The following BCAT1 variants were observed in gnomAD, a reference collection of about 807,000 sequenced individuals.
BCAT1 encodes the protein branched chain amino acid transaminase 1.
In BCAT1, 48 loss-of-function variants were observed where a neutral mutation model predicts 52.4. The ratio of observed to expected loss-of-function variants is 0.92; its 90% CI spans 0.73 to 1.16. The LOEUF (loss-of-function observed/expected upper bound fraction) is 1.16. BCAT1 is among the 50% of genes most tolerant of loss of function. The pLI is 0.00. For synonymous variants in BCAT1, 167 were observed against 161.3 expected, an observed-to-expected ratio of 1.04 and a Z score of -0.27; for missense variants, 451 against 457.1, an observed-to-expected ratio of 0.99 and a Z score of 0.12.
intron 1 of BCAT1, among the ~76,000 whole-genome samples, chr12:24,914,694 T>C (rs762441022): frequency 6.6e-6 from 1 of 152,260 alleles, no homozygotes; most frequent in African/African-American, 2.4e-5. Context: ...GTAAACCTTC[T>C]GAGTAATCCA....
intron 5 of BCAT1, among the ~76,000 whole-genome samples, chr12:24,876,999 T>C (rs1439905149): frequency 6.6e-6 from 1 of 152,280 alleles, no homozygotes; most frequent in South Asian, 2.1e-4. Context: ...AAAAAACTTA[T>C]GGAAGTAGAT....
chr12:24,914,992 C>T (rs1212010288), intron 1 of BCAT1, among the ~76,000 whole-genome samples: 4 of 152,182 alleles, frequency 2.6e-5, no homozygotes, highest in Admixed American at 2.6e-4. Context: ...TTCTCTTCTA[C>T]AGTCATCCCA....
intron 7 of BCAT1, among the ~76,000 whole-genome samples, chr12:24,840,994 C>G (rs1328627274): frequency 6.6e-6 from 1 of 151,988 alleles, no homozygotes; most frequent in Non-Finnish European, 1.5e-5. Context: ...TGTTTTTCTC[C>G]CACCGTTGGC....
intron 1 of BCAT1, among the ~76,000 whole-genome samples, chr12:24,935,378 T>C (rs11047716): frequency 0.34 from 52,234 of 152,064 alleles, 10,264 homozygotes; most frequent in Middle Eastern, 0.56. Context: ...TTTCCACTTA[T>C]GGAATCAAGG....
At position 24,814,238 on chromosome 12, in the gene BCAT1, A is replaced by T. The variant is rs1939791629; in HGVS notation, c.*3770T>A. Reference sequence around the variant, plus strand: ...GTACTTTGATAATTTTAGAGTCAAGACATGAAATAAGGGATTTCTCTAACC... The same window carrying T: ...GTACTTTGATAATTTTAGAGTCAAGTCATGAAATAAGGGATTTCTCTAACC... On this transcript the variant is annotated 3_prime_UTR_variant, in exon 11 of 11. Transcript: ENST00000261192. 1 of 152,132 alleles carries T rather than the reference A, an allele frequency of 6.6e-6. No homozygotes were observed. The highest frequency in any genetic ancestry group is 1.5e-5 in the Non-Finnish European group (1 of 67,982). The allele number at this position is 152,132 out of a possible 1,614,324, so 9.4% of individuals were successfully genotyped here. A position where few individuals can be genotyped will look rare whatever the true frequency, so the allele number is the denominator to read the frequency against.
At chr12:24,836,819 A>C (rs2139407320) in intron 7 of BCAT1, among the ~76,000 whole-genome samples, 1 of 104,538 alleles carries the variant, frequency 9.6e-6, no homozygotes, top group Admixed American at 9.3e-5. Context: ...GGAAGGAAGG[A>C]AAGAAGGAAG....
chr12:24,867,415 G>A (rs911318526), intron 5 of BCAT1, among the ~76,000 whole-genome samples: 1 of 149,504 alleles, frequency 6.7e-6, no homozygotes. Context: ...TGGCTAAGCA[G>A]CAGTTATGGC....
chr12:24,842,980 T>A (rs1591798512), intron 6 of BCAT1, among the ~76,000 whole-genome samples: 1 of 152,206 alleles, frequency 6.6e-6, no homozygotes, highest in Admixed American at 6.5e-5. Context: ...ATGAATATTT[T>A]AGACAAAACA....
In BCAT1 at chr12:24,817,807, A is replaced by T. The variant is rs1480701668; in HGVS notation, c.*201T>A. 1.7e-6 allele frequency: 1 copy of T among 582,368 alleles called. No individual in the cohort carries two copies. The highest frequency in any genetic ancestry group is 1.9e-5 in the African/African-American group (1 of 53,784). The allele number at this position is 582,368 out of a possible 1,614,324, so 36.1% of individuals were successfully genotyped here. A position where few individuals can be genotyped will look rare whatever the true frequency, so the allele number is the denominator to read the frequency against. On this transcript the variant is annotated 3_prime_UTR_variant, in exon 11 of 11. Transcript: ENST00000261192. ...AGGTAAGGTAAGGTAAGTTACTACTACCAAGTTATGAAACACCATTTGATG... is the reference window on the plus strand; with the variant it reads ...AGGTAAGGTAAGGTAAGTTACTACTTCCAAGTTATGAAACACCATTTGATG...
intron 3 of BCAT1, among the ~76,000 whole-genome samples, chr12:24,884,644 G>A (rs923846363): frequency 6.6e-6 from 1 of 152,110 alleles, no homozygotes; most frequent in Non-Finnish European, 1.5e-5. Flanking sequence ...AATAAAAATT[G>A]TATGCACTTA....
intron 1 of BCAT1, among the ~76,000 whole-genome samples, chr12:24,942,349 T>G (rs1422317003): frequency 3.3e-5 from 5 of 152,070 alleles, no homozygotes; most frequent in Non-Finnish European, 7.4e-5. Context: ...TAGACCAGCC[T>G]GGCCAACATG....
rs189667602 is a variant in BCAT1 at position 24,812,525 on chromosome 12, T to G, written c.*5483A>C. 2 of 152,092 alleles carry G rather than the reference T, an allele frequency of 1.3e-5. No homozygotes were observed. Among genetic ancestry groups the G allele is most frequent in the African/African-American group, 4.8e-5 (2 of 41,458 alleles). 9.4% of individuals were successfully genotyped at this position (152,092 alleles called of 1,614,324 possible). ...CCTTCAGATTATAACCTCAATAGTGTGACCTAATTCTAATATCTGATGAAG... is the reference window on the plus strand; with the variant it reads ...CCTTCAGATTATAACCTCAATAGTGGGACCTAATTCTAATATCTGATGAAG... On this transcript the variant is annotated 3_prime_UTR_variant, in exon 11 of 11. Transcript: ENST00000261192.
At chr12:24,888,875 A>G (rs1243459661) in intron 3 of BCAT1, among the ~76,000 whole-genome samples, 1 of 152,198 alleles carries the variant, frequency 6.6e-6, no homozygotes, top group African/African-American at 2.4e-5. Context: ...CAGCTGCGTC[A>G]ATCATGTTCA....
chr12:24,917,393 A>G (rs543773553), intron 1 of BCAT1, among the ~76,000 whole-genome samples: 1 of 152,260 alleles, frequency 6.6e-6, no homozygotes, highest in East Asian at 1.9e-4. Context: ...CGTGTTAGCC[A>G]GGATGGTCTC....
Position 24,849,838 on chromosome 12 carries a change from G to A in BCAT1, c.622C>T (p.Pro208Ser), listed in dbSNP as rs201533470. Residue 208 changes from proline to serine, a missense_variant, in exon 6 of 11, where the codon CCC (proline) becomes TCC (serine). Coordinates refer to ENST00000261192, the MANE Select transcript of BCAT1 (RefSeq NM_005504.7). ...CCTTTCCAGGCTCTTACATACTTGG[G>A]ATTGGCCCACAGGGACACTGGATTA... Reference protein sequence around the residue: ...TFNPVSLWANPKYVRAWKGGT... With the variant: ...TFNPVSLWANSKYVRAWKGGT... The A allele has an allele frequency of 9.5e-5, 153 of 1,613,662 alleles. No homozygotes were observed. The highest frequency in any genetic ancestry group is 1.2e-4 in the Non-Finnish European group (144 of 1,179,712).
intron 6 of BCAT1, among the ~76,000 whole-genome samples, chr12:24,847,161 G>A (rs964995747): frequency 6.6e-6 from 1 of 152,198 alleles, no homozygotes. Context: ...GAGCAGTTAA[G>A]TAACATGCCC....
chr12:24,865,920 C>T (rs1941992032), intron 5 of BCAT1, among the ~76,000 whole-genome samples: 1 of 152,232 alleles, frequency 6.6e-6, no homozygotes, highest in Admixed American at 6.5e-5. Context: ...GCTGGCAGCC[C>T]TCCCAGCCCT....
intron 4 of BCAT1, 140 bp from the exon 5 acceptor site, chr12:24,878,789 T>C (rs1347757332): frequency 1.3e-6 from 1 of 749,682 alleles, no homozygotes; most frequent in Non-Finnish European, 2.0e-6. Context: ...AGGTGATGGA[T>C]ATCCTAATTA....
intron 3 of BCAT1, 50 bp from the exon 4 acceptor site, chr12:24,881,461 C>G (rs748346584): frequency 3.5e-5 from 45 of 1,282,780 alleles, no homozygotes; most frequent in Admixed American, 2.2e-4. Flanking sequence ...AGAAAACAAC[C>G]CGTGTTCAAG....
Sources: gnomAD v4.1 joint callset for allele counts (sites outside exome capture counted in the v4.1 genomes callset) on GRCh38, gnomAD v4.1.1 for gene constraint, MANE v1.5 for transcripts, NCBI Gene and HGNC (gene_info 2026-07-23, HGNC 2026-07-21) for gene names.